FIGN: variants seen among roughly 807,000 people sequenced by gnomAD.
FIGN encodes fidgetin, microtubule severing factor, also known as fidgetin.
A neutral mutation model predicts 51.3 loss-of-function variants in FIGN; 11 were observed. The ratio of observed to expected loss-of-function variants is 0.21; its 90% confidence interval spans 0.13 to 0.35. The LOEUF (loss-of-function observed/expected upper bound fraction) is 0.35, where lower values mean the gene tolerates loss of function less well. Among genes scored for constraint, FIGN ranks in the 10% least tolerant of loss-of-function variants. FIGN has a pLI of 1.00. For missense variants in FIGN, 857 were observed against 943.6 expected, an observed-to-expected ratio of 0.91 and a Z score of 1.20; for synonymous variants, 407 against 363.2, an observed-to-expected ratio of 1.12 and a Z score of -1.37.
chr2:163,686,767 T>G (rs1446969824), intron 2 of FIGN, among the ~76,000 whole-genome samples: 1 of 120,928 alleles, frequency 8.3e-6, no homozygotes, highest in East Asian at 2.2e-4. Flanking sequence ...TGTATATATA[T>G]ATATACACAT....
intron 2 of FIGN, among the ~76,000 whole-genome samples, chr2:163,686,805 T>C (rs1057183019): frequency 1.3e-5 from 2 of 150,052 alleles, no homozygotes; most frequent in East Asian, 2.0e-4. Flanking sequence ...CATATATATA[T>C]ATTCTTTTTA....
intron 2 of FIGN, among the ~76,000 whole-genome samples, chr2:163,648,649 AAAGGACT>A (rs1234185370): frequency 1.3e-5 from 2 of 152,228 alleles, no homozygotes; most frequent in African/African-American, 4.8e-5. Flanking sequence ...TAAATCTGTG[AAAGGACT>A]AATGGCAATA....
At chr2:163,684,256 AC>A (rs1416488059) in intron 2 of FIGN, among the ~76,000 whole-genome samples, 18 of 152,360 alleles carry the variant, frequency 1.2e-4, no homozygotes, top group African/African-American at 4.3e-4. Flanking sequence ...CTATAAAGGT[AC>A]TACAAAAAGT....
intron 2 of FIGN, among the ~76,000 whole-genome samples, chr2:163,644,824 A>T (rs1305338080): frequency 6.6e-6 from 1 of 152,254 alleles, no homozygotes; most frequent in Non-Finnish European, 1.5e-5. Flanking sequence ...CCAGACAAAA[A>T]TACCCACATT....
intron 2 of FIGN, among the ~76,000 whole-genome samples, chr2:163,696,691 A>G (rs1684324341): frequency 6.6e-6 from 1 of 151,928 alleles, no homozygotes; most frequent in African/African-American, 2.4e-5. Flanking sequence ...TTTTTAAGAA[A>G]AAGTCTAGCT....
chr2:163,643,904 G>T (rs142835694), intron 2 of FIGN, among the ~76,000 whole-genome samples: 1,356 of 104,460 alleles, frequency 0.013, 22 homozygotes, highest in African/African-American at 0.041. Flanking sequence ...TGCACTCCAG[G>T]CTGGGCAACA....
chr2:163,685,312 A>C (rs1573949094), intron 2 of FIGN, among the ~76,000 whole-genome samples: 1 of 152,232 alleles, frequency 6.6e-6, no homozygotes, highest in South Asian at 2.1e-4. Context: ...AGCTCTTCAG[A>C]TAAAGAAAAA....
intron 2 of FIGN, among the ~76,000 whole-genome samples, chr2:163,723,041 A>G (rs907483344): frequency 2.6e-5 from 4 of 151,780 alleles, no homozygotes; most frequent in African/African-American, 4.8e-5. Context: ...CAAAAAAATT[A>G]GCCGAGCGTG....
chr2:163,718,908 G>A (rs1315519353), intron 2 of FIGN, among the ~76,000 whole-genome samples: 1 of 151,906 alleles, frequency 6.6e-6, no homozygotes, highest in Non-Finnish European at 1.5e-5. Flanking sequence ...GCCTTACCTG[G>A]TCCATTTGAA....
intron 2 of FIGN, among the ~76,000 whole-genome samples, chr2:163,622,088 G>T (rs1337786833): frequency 3.3e-5 from 5 of 152,122 alleles, no homozygotes; most frequent in African/African-American, 1.2e-4. Flanking sequence ...TTTGCTCATG[G>T]TTCTCCAATT....
At chr2:163,680,372 C>T (rs1369359993) in intron 2 of FIGN, among the ~76,000 whole-genome samples, 1 of 152,100 alleles carries the variant, frequency 6.6e-6, no homozygotes, top group Non-Finnish European at 1.5e-5. Flanking sequence ...CTTCTTGTGG[C>T]ACCGCAAACC....
intron 2 of FIGN, among the ~76,000 whole-genome samples, chr2:163,648,423 G>A (rs1270599398): frequency 6.6e-6 from 1 of 152,066 alleles, no homozygotes; most frequent in African/African-American, 2.4e-5. Flanking sequence ...GTCCTGCCCT[G>A]GGAAATAAAA....
At chr2:163,706,221 A>G (rs1684497216) in intron 2 of FIGN, among the ~76,000 whole-genome samples, 1 of 152,144 alleles carries the variant, frequency 6.6e-6, no homozygotes, top group Admixed American at 6.5e-5. Context: ...CAAATCATCT[A>G]GTTTTCCATG....
Position 163,646,375 on chromosome 2 carries a change from T to G in FIGN, c.26-34569A>C, listed in dbSNP as rs902907626. On this transcript the variant is annotated intron_variant, in intron 2 of 2. Transcript: ENST00000333129. ...ACAGAGACTCTAAACTATAAAATGT[T>G]TTGGGAGTTTATGAATGTCATTGAA... 7.2e-4 allele frequency among the ~76,000 whole-genome samples: 109 copies of G among 152,290 alleles called. 2 individuals carry two copies. Among genetic ancestry groups the G allele is most frequent in the African/African-American group, 2.5e-3 (105 of 41,558 alleles).
In FIGN at chr2:163,611,895, T is replaced by C; in HGVS notation, c.26-89A>G. 6 of 1,024,064 alleles carry C rather than the reference T, an allele frequency of 5.9e-6. No homozygotes were observed. In the South Asian group the frequency reaches 1.0e-4, roughly 17 times the overall value. 63.4% of individuals were successfully genotyped at this position (1,024,064 alleles called of 1,614,324 possible). On this transcript the variant is annotated intron_variant, in intron 2 of 2. Transcript: ENST00000333129. ...TCCCCCAATTTCTTTTGTTACCTAT[T>C]ATTTTCCATTAATGATATGCATACT...
At chr2:163,677,916 C>A (rs755491928) in intron 2 of FIGN, among the ~76,000 whole-genome samples, 1 of 152,092 alleles carries the variant, frequency 6.6e-6, no homozygotes, top group Admixed American at 6.6e-5. Flanking sequence ...TACTGAATAA[C>A]GCAATGGGGT....
intron 2 of FIGN, among the ~76,000 whole-genome samples, chr2:163,704,656 TCACA>T (rs369275881): frequency 0.048 from 6,218 of 129,336 alleles, 463 homozygotes; most frequent in Middle Eastern, 0.081. Flanking sequence ...TCTCTCTCTC[TCACA>T]CACACACACA....
chr2:163,685,175 T>C (rs926960578), intron 2 of FIGN, among the ~76,000 whole-genome samples: 2 of 152,194 alleles, frequency 1.3e-5, no homozygotes, highest in African/African-American at 4.8e-5. Flanking sequence ...TTTACTTAGC[T>C]AGGTATGGGA....
intron 2 of FIGN, among the ~76,000 whole-genome samples, chr2:163,641,432 T>C (rs561034872): frequency 9.8e-5 from 15 of 152,304 alleles, no homozygotes; most frequent in African/African-American, 3.6e-4. Flanking sequence ...GAAAGGAATT[T>C]GTACGCCATT....
Sources: allele counts gnomAD v4.1 joint callset (sites outside exome capture counted in the v4.1 genomes callset), GRCh38; gene constraint gnomAD v4.1.1; transcripts MANE v1.5; gene names NCBI Gene and HGNC (gene_info 2026-07-23, HGNC 2026-07-21).